ATF6B: variants seen among roughly 807,000 people sequenced by gnomAD.
The protein encoded by ATF6B is cyclic AMP-dependent transcription factor ATF-6 beta.
ATF6B carries 50 observed loss-of-function variants against 83.5 expected under a neutral mutation model. The observed-to-expected ratio is 0.60, with a 90% confidence interval of 0.48 to 0.76. The LOEUF is 0.76. ATF6B is among the 30% of genes least tolerant of loss of function. The pLI, the probability that ATF6B is intolerant of heterozygous loss-of-function variation, is 0.00. For missense variants in ATF6B, 790 were observed against 893.8 expected (o/e 0.88, Z 1.48); for synonymous variants, 344 against 362.8 (o/e 0.95, Z 0.59).
chr6:32,127,400 A>G (rs756719022), intron 3 of ATF6B, 42 bp downstream of exon 3: 4 of 1,580,572 alleles, frequency 2.5e-6, no homozygotes, highest in Non-Finnish European at 3.5e-6. Context: ...TGGGAAGATG[A>G]GGGTTTCTGG....
Position 32,128,192 on chromosome 6 carries a change from G to A in ATF6B, c.16C>T (p.Leu6=), listed in dbSNP as rs781295048. 9 of 1,612,058 alleles carry A rather than the reference G, an allele frequency of 5.6e-6. No homozygotes were observed. The highest frequency in any genetic ancestry group is 5.0e-5 in the Admixed American group (3 of 59,940). ...GTCGGGTCAGCAATCTCGCTGAGCA[G>A]CATCAGCTCCGCCATCTTTCCCCCC... MAELM[L]LSEIADPTRF... is the part of the protein sequence containing the mutation. The change falls in exon 1 of 18, where the codon CTG becomes TTG. Residue 6 remains leucine, a synonymous_variant. Coordinates refer to ENST00000375203, the MANE Select transcript of ATF6B (RefSeq NM_004381.5).
chr6:32,117,208 C>T lies in ATF6B; in HGVS notation c.1615-101G>A, dbSNP rs934197097. 2.5e-5 allele frequency: 38 copies of T among 1,536,678 alleles called. 1 individual carries two copies. The highest frequency in any genetic ancestry group is 3.3e-5 in the Non-Finnish European group (37 of 1,123,282). ...ATGCCACCTCCCACTCAACCCTCCACTTCCTTCAAACGATCCCTCAAACTT... is the reference window on the plus strand; with the variant it reads ...ATGCCACCTCCCACTCAACCCTCCATTTCCTTCAAACGATCCCTCAAACTT... On this transcript the variant is annotated intron_variant, in intron 14 of 17. Coordinates refer to ENST00000375203, the MANE Select transcript of ATF6B (RefSeq NM_004381.5). This position sits in a 1 kb window ranked among gnomAD's most constrained non-coding sequence, Gnocchi z 5.0.
rs570702546 is a variant in ATF6B at position 32,118,500 on chromosome 6, G to A, written c.1244+275C>T. 6.6e-6 allele frequency among the ~76,000 whole-genome samples: 1 copy of A among 152,332 alleles called. No homozygotes were observed. Among genetic ancestry groups the A allele is most frequent in the Non-Finnish European group, 1.5e-5 (1 of 68,038 alleles). The stretch of plus-strand genomic sequence containing the variant: ...AGTCCCAGCTACTTGGGAGGTTGAG[G>A]CAGGAGAATCACTTGAACCCAGGAA... On this transcript the variant is annotated intron_variant, in intron 11 of 17. Coordinates refer to ENST00000375203, the MANE Select transcript of ATF6B (RefSeq NM_004381.5). The surrounding 1 kb of genome is among the most constrained non-coding windows in gnomAD (Gnocchi z 5.2).
chr6:32,126,312 T>C (rs1781979219), intron 4 of ATF6B, 60 bp from the exon 5 acceptor site: 1 of 1,587,162 alleles, frequency 6.3e-7, no homozygotes, highest in South Asian at 1.1e-5. Flanking sequence ...AAGGGAGATG[T>C]TGACAGTAAG....
rs780804229 is a variant in ATF6B at position 32,119,898 on chromosome 6, A to C, written c.892T>G (p.Ser298Ala). The C allele has an allele frequency of 1.2e-6, 2 of 1,614,096 alleles. No homozygotes were observed. The highest frequency in any genetic ancestry group is 1.7e-6 in the Non-Finnish European group (2 of 1,180,006). The change falls in exon 9 of 18, where the codon TCT becomes GCT. Residue 298 changes from serine to alanine, a missense_variant. Transcript: ENST00000375203. The surrounding 1 kb of genome is among the most constrained non-coding windows in gnomAD (Gnocchi z 4.9). ...CTCTTCCTCTCAGGCCGTGGTAGAG[A>C]GGGAGCCGGCCCTTCAGGCTGGACT... ...IRVQPEGPAPSLPRPERKSIV... is the reference protein window; with the variant it reads ...IRVQPEGPAPALPRPERKSIV...
intron 5 of ATF6B, among the ~76,000 whole-genome samples, chr6:32,124,820 T>A (rs1757763530): frequency 6.6e-6 from 1 of 151,710 alleles, no homozygotes; most frequent in African/African-American, 2.4e-5. Context: ...AAATGTCCCC[T>A]CTTATGAGCT....
Position 32,115,690 on chromosome 6 carries a change from C to T in ATF6B, c.*49G>A, listed in dbSNP as rs1781495308. On this transcript the variant is annotated 3_prime_UTR_variant, in exon 18 of 18. Transcript: ENST00000375203. ...GGAAATTTGAAACAGTCCCACCTGG[C>T]CACCTGGTACCCCCTCCCCCCGTTC... is the stretch of plus-strand genomic sequence containing the variant. The T allele has an allele frequency of 6.7e-7, 1 of 1,488,940 alleles. No homozygotes were observed. Among genetic ancestry groups the T allele is most frequent in the African/African-American group, 1.4e-5 (1 of 71,766 alleles). The allele number at this position is 1,488,940 out of a possible 1,614,324, so 92.2% of individuals were successfully genotyped here. A position where few individuals can be genotyped will look rare whatever the true frequency, so the allele number is the denominator to read the frequency against.
chr6:32,117,436 G>T lies in ATF6B; in HGVS notation c.1533-32C>A. On this transcript the variant is annotated intron_variant, in intron 13 of 17. Transcript: ENST00000375203. The surrounding 1 kb of genome is among the most constrained non-coding windows in gnomAD (Gnocchi z 5.0). ...AAATGGAGGAGCTCAGGACCTCCAT[G>T]CCAGGCCAAGATTCCCACCCTCCTT... 2.5e-6 allele frequency: 4 copies of T among 1,610,796 alleles called. No homozygotes were observed. The highest frequency in any genetic ancestry group is 3.4e-6 in the Non-Finnish European group (4 of 1,177,922).
In ATF6B at chr6:32,127,744, G is replaced by A. The variant is rs762254244; in HGVS notation, c.98C>T (p.Thr33Ile). The stretch of plus-strand genomic sequence containing the variant: ...CACTTCATCTAGGCCAGAATACAAG[G>A]TGCTGTCTGCAAGAAATGCTGAGCG... ...SPEDWGLQNS[T>I]LYSGLDEVAE... is the part of the protein sequence containing the mutation. Residue 33 changes from threonine to isoleucine, a missense_variant, in exon 2 of 18, where the codon ACC (threonine) becomes ATC (isoleucine). Physicochemically the swap from Thr to Ile is moderately conservative, Grantham distance 89 (BLOSUM62 -1). Coordinates refer to ENST00000375203, the MANE Select transcript of ATF6B (RefSeq NM_004381.5). 14 of 1,614,160 alleles carry A rather than the reference G, an allele frequency of 8.7e-6. No homozygotes were observed. The highest frequency in any genetic ancestry group is 1.1e-5 in the Non-Finnish European group (13 of 1,180,022).
Position 32,117,256 on chromosome 6 carries a change from AATCCCC to A in ATF6B, c.1614+61_1614+66del. The A allele has an allele frequency of 1.3e-6, 2 of 1,572,266 alleles. No homozygotes were observed. Among genetic ancestry groups the A allele is most frequent in the Non-Finnish European group, 1.7e-6 (2 of 1,151,474 alleles). On this transcript the variant is annotated intron_variant, in intron 14 of 17. Coordinates refer to ENST00000375203, the MANE Select transcript of ATF6B (RefSeq NM_004381.5). The surrounding 1 kb of genome is among the most constrained non-coding windows in gnomAD (Gnocchi z 5.0). ...CTTCCACAGCGAGATGCCCACTAGA[AATCCCC>A]AGACAAGGCCTTTAGCCCTTGTCTT...
Position 32,127,460 on chromosome 6 carries a change from G to T in ATF6B, c.232C>A (p.Leu78Ile). 6.2e-7 allele frequency: 1 copy of T among 1,612,520 alleles called. No homozygotes were observed. Among genetic ancestry groups the T allele is most frequent in the South Asian group, 1.1e-5 (1 of 90,964 alleles). ...DVSPSEPPWELLPIFPDLQVK... is the reference protein window; with the variant it reads ...DVSPSEPPWEILPIFPDLQVK... ...ACCTTACCTGGGAAGATCGGCAGGA[G>T]TTCCCATGGGGGCTCAGAGGGGCTG... The change falls in exon 3 of 18, where the codon CTC (leucine) becomes ATC (isoleucine). Residue 78 changes from leucine (L) to isoleucine (I), a missense_variant. Coordinates refer to ENST00000375203, the MANE Select transcript of ATF6B (RefSeq NM_004381.5).
intron 5 of ATF6B, among the ~76,000 whole-genome samples, chr6:32,122,351 C>T (rs1214523188): frequency 6.6e-6 from 1 of 152,182 alleles, no homozygotes. Context: ...AAATGCTAGG[C>T]CCCATGTCGG....
rs1342965414 is a variant in ATF6B, at chr6:32,125,370, C to G, written c.478+747G>C. The stretch of plus-strand genomic sequence containing the variant: ...TAAACATTTACTAAATACACAGCTA[C>G]GAGTAAATAAACTTGGGAACACTTT... On this transcript the variant is annotated intron_variant, in intron 5 of 17. Transcript: ENST00000375203. This position sits in a 1 kb window ranked among gnomAD's most constrained non-coding sequence, Gnocchi z 4.1. Among the ~76,000 whole-genome samples, 1 of 152,080 alleles carries G rather than the reference C, an allele frequency of 6.6e-6. No homozygotes were observed. The highest frequency in any genetic ancestry group is 1.5e-5 in the Non-Finnish European group (1 of 68,016).
intron 4 of ATF6B, 132 bp downstream of exon 4, chr6:32,126,971 G>A: frequency 1.6e-6 from 1 of 637,216 alleles, no homozygotes; most frequent in Non-Finnish European, 2.3e-6. Context: ...TAGTGGAGAA[G>A]GCCCCCCACA....
At chr6:32,120,483 C>A in intron 8 of ATF6B, 1 of 223,502 alleles carries the variant, frequency 4.5e-6, no homozygotes, top group Non-Finnish European at 8.4e-6. Flanking sequence ...CAAAGTCTCG[C>A]TTTGTCGCCC....
chr6:32,119,996 G>A lies in ATF6B; in HGVS notation c.833-39C>T, dbSNP rs2127338768. On this transcript the variant is annotated intron_variant, in intron 8 of 17. Coordinates refer to ENST00000375203, the MANE Select transcript of ATF6B (RefSeq NM_004381.5). This position sits in a 1 kb window ranked among gnomAD's most constrained non-coding sequence, Gnocchi z 4.9. ...GCAGAGGTCAGAGGGCTGTGCGCTG[G>A]GTGGGGTCCTTGTGTCCACACCCAC... 1 of 1,595,002 alleles carries A rather than the reference G, an allele frequency of 6.3e-7. No individual in the cohort carries two copies.
chr6:32,125,757 T>C lies in ATF6B; in HGVS notation c.478+360A>G, dbSNP rs573344389. Among the ~76,000 whole-genome samples, 4 of 152,228 alleles carry C rather than the reference T, an allele frequency of 2.6e-5. No homozygotes were observed. Among genetic ancestry groups the C allele is most frequent in the East Asian group, 1.9e-4 (1 of 5,190 alleles). On this transcript the variant is annotated intron_variant, in intron 5 of 17. Transcript: ENST00000375203. This position sits in a 1 kb window ranked among gnomAD's most constrained non-coding sequence, Gnocchi z 4.1. ...GCCCGAGCGACAGTGTGAGACTCTG[T>C]CTCAACAACAACAAAAATGTTTATA...
At chr6:32,122,767 T>A (rs1291802591) in intron 5 of ATF6B, among the ~76,000 whole-genome samples, 2 of 147,520 alleles carry the variant, frequency 1.4e-5, no homozygotes. Context: ...GAGAATGGCA[T>A]GAACCCAGGG....
chr6:32,126,880 AAACAAAC>A (rs1782001522), intron 4 of ATF6B, among the ~76,000 whole-genome samples: 1 of 152,084 alleles, frequency 6.6e-6, no homozygotes, highest in African/African-American at 2.4e-5. Flanking sequence ...AAAAAACAAA[AAACAAAC>A]AAACAAAAAA....
Sources: allele counts gnomAD v4.1 joint callset (sites outside exome capture counted in the v4.1 genomes callset), GRCh38; gene constraint gnomAD v4.1.1; non-coding constraint Gnocchi (gnomAD v3.1); transcripts MANE v1.5; gene names NCBI Gene and HGNC (gene_info 2026-07-23, HGNC 2026-07-21).